ZFYVE9: variants seen among roughly 807,000 people sequenced by gnomAD.
The protein encoded by ZFYVE9 is zinc finger FYVE domain-containing protein 9.
Under a neutral mutation model 126.7 loss-of-function variants are expected in ZFYVE9, and 43 were observed. The observed-to-expected ratio is 0.34, with a 90% CI of 0.27 to 0.44. The LOEUF is 0.44. Ranked by LOEUF, ZFYVE9 falls within the 20% of genes least tolerant of loss-of-function variation. The pLI, the probability that ZFYVE9 is intolerant of heterozygous loss-of-function variation, is 1.00. For missense variants in ZFYVE9, 1,476 were observed against 1,697.0 expected (o/e 0.87, Z 2.29); for synonymous variants, 521 against 597.4 (o/e 0.87, Z 1.87).
intron 13 of ZFYVE9, among the ~76,000 whole-genome samples, chr1:52,324,947 C>T (rs1646276630): frequency 6.6e-6 from 1 of 151,990 alleles, no homozygotes; most frequent in South Asian, 2.1e-4. Context: ...CCAGCCTTGG[C>T]AACATAGTAA....
intron 14 of ZFYVE9, 101 bp from the exon 15 acceptor site, chr1:52,334,587 T>TGATGATG (rs2147871730): frequency 1.6e-6 from 2 of 1,234,714 alleles, no homozygotes; most frequent in East Asian, 4.8e-5. Flanking sequence ...ATTTTCTGTG[T>TGATGATG]GATGATGGTC....
At chr1:52,274,202 C>A (rs1352436583) in intron 7 of ZFYVE9, among the ~76,000 whole-genome samples, 1 of 152,078 alleles carries the variant, frequency 6.6e-6, no homozygotes, top group African/African-American at 2.4e-5. Flanking sequence ...AGCTTTAATG[C>A]AGGTTTTAAG....
At chr1:52,188,093 C>A (rs1644781157) in intron 1 of ZFYVE9, among the ~76,000 whole-genome samples, 1 of 152,142 alleles carries the variant, frequency 6.6e-6, no homozygotes, top group African/African-American at 2.4e-5. Flanking sequence ...CTATCAATGG[C>A]ATATTGGATA....
intron 1 of ZFYVE9, among the ~76,000 whole-genome samples, chr1:52,212,946 CCT>C (rs1261351516): frequency 6.6e-6 from 1 of 152,106 alleles, no homozygotes; most frequent in Non-Finnish European, 1.5e-5. Flanking sequence ...TCTTTGTTTT[CCT>C]CTCATGTATC....
At chr1:52,298,661 G>T (rs552175115) in intron 12 of ZFYVE9, among the ~76,000 whole-genome samples, 23 of 149,962 alleles carry the variant, frequency 1.5e-4, no homozygotes, top group East Asian at 3.9e-4. Context: ...TAAGGTTTTG[G>T]TTTTTTTTTC....
intron 13 of ZFYVE9, among the ~76,000 whole-genome samples, chr1:52,314,999 C>T (rs1280349936): frequency 6.6e-6 from 1 of 151,948 alleles, no homozygotes; most frequent in Non-Finnish European, 1.5e-5. Context: ...AGACCTGTTC[C>T]ACAAGAAATG....
chr1:52,144,092 C>T (rs777517), intron 1 of ZFYVE9, among the ~76,000 whole-genome samples: 2,039 of 152,114 alleles, frequency 0.013, 41 homozygotes, highest in African/African-American at 0.046. Context: ...CTCTCCGAGG[C>T]GGGTGGATCA....
Position 52,149,215 on chromosome 1 carries a change from C to CT in ZFYVE9, c.-143+6815dup, listed in dbSNP as rs539542937. ...GTAGAATGAAGGTCTAAAACTTGCA[C>CT]TTTGTTTACTCAAACAATGGTTCCC... On this transcript the variant is annotated intron_variant, in intron 1 of 18. Transcript: ENST00000287727. Among the ~76,000 whole-genome samples the CT allele has an allele frequency of 1.4e-4, 21 of 151,850 alleles. 1 individual carries two copies. In the South Asian group the frequency reaches 4.4e-3, roughly 32 times the overall value.
chr1:52,295,666 G>A (rs948549091), intron 11 of ZFYVE9, among the ~76,000 whole-genome samples: 1 of 151,978 alleles, frequency 6.6e-6, no homozygotes, highest in Admixed American at 6.6e-5. Context: ...CCTGGCTATT[G>A]TGTGTCATTT....
At chr1:52,308,015 G>A (rs555732836) in intron 13 of ZFYVE9, among the ~76,000 whole-genome samples, 107 of 152,264 alleles carry the variant, frequency 7.0e-4, no homozygotes, top group African/African-American at 2.3e-3. Context: ...GCCTCCCAAA[G>A]TGCTGGGATT....
At chr1:52,260,969 G>T (rs574393296) in intron 4 of ZFYVE9, among the ~76,000 whole-genome samples, 1 of 152,148 alleles carries the variant, frequency 6.6e-6, no homozygotes, top group African/African-American at 2.4e-5. Flanking sequence ...TTAGTTATTT[G>T]GTGGGTCCAT....
intron 10 of ZFYVE9, among the ~76,000 whole-genome samples, chr1:52,292,403 G>A (rs568398876): frequency 6.6e-6 from 1 of 150,648 alleles, no homozygotes; most frequent in African/African-American, 2.4e-5. Flanking sequence ...TTATGTTCAT[G>A]AGTTGACTTT....
intron 13 of ZFYVE9, among the ~76,000 whole-genome samples, chr1:52,320,281 G>A (rs1428344012): frequency 6.6e-6 from 1 of 152,024 alleles, no homozygotes; most frequent in Non-Finnish European, 1.5e-5. Flanking sequence ...TGTTGGCCAG[G>A]CTGGTCTCGA....
chr1:52,306,450 C>A (rs1255508271), intron 13 of ZFYVE9, among the ~76,000 whole-genome samples: 5 of 152,360 alleles, frequency 3.3e-5, no homozygotes, highest in Admixed American at 3.3e-4. Flanking sequence ...TCTATTACGT[C>A]ACTCATAAAG....
chr1:52,293,565 A>G lies in ZFYVE9; in HGVS notation c.3138A>G (p.Leu1046=). 6 of 1,614,102 alleles carry G rather than the reference A, an allele frequency of 3.7e-6. No homozygotes were observed. Among genetic ancestry groups the G allele is most frequent in the Non-Finnish European group, 5.1e-6 (6 of 1,180,014 alleles). Residue 1046 remains leucine, a synonymous_variant, in exon 11 of 19, where the codon CTA becomes CTG. Coordinates refer to ENST00000287727, the MANE Select transcript of ZFYVE9 (RefSeq NM_004799.4). ...CTACCTACCAGTCACTGCAAGACCT[A>G]GTACTCCCAACCCCACCTTACTTGT... The part of the protein sequence containing the change: ...VTSTYQSLQD[L]VLPTPPYLFG...
chr1:52,255,949 TTTTCTTTTCTTTTCTTTTC>T lies in ZFYVE9; in HGVS notation c.2179-7816_2179-7798del, dbSNP rs1186093779. On this transcript the variant is annotated intron_variant, in intron 4 of 18. Coordinates refer to ENST00000287727, the MANE Select transcript of ZFYVE9 (RefSeq NM_004799.4). The stretch of plus-strand genomic sequence containing the variant: ...TTTTCTTTTCTTTTCTTTTCTTTTC[TTTTCTTTTCTTTTCTTTTC>T]TTTCTTTCTTTCTTTCCTTCCTTCC... 1.1e-3 allele frequency among the ~76,000 whole-genome samples: 134 copies of T among 118,280 alleles called. 1 individual carries two copies. The highest frequency in any genetic ancestry group is 4.6e-3 in the African/African-American group (105 of 22,726). The allele number at this position is 118,280 out of a possible 152,430, so 77.6% of individuals were successfully genotyped here.
intron 4 of ZFYVE9, among the ~76,000 whole-genome samples, chr1:52,243,675 T>A (rs1431951574): frequency 4.6e-5 from 7 of 151,926 alleles, no homozygotes; most frequent in Non-Finnish European, 8.8e-5. Context: ...TTGTCCCAGC[T>A]ACTCCATAGG....
At chr1:52,191,071 T>A (rs1644812512) in intron 1 of ZFYVE9, among the ~76,000 whole-genome samples, 1 of 151,950 alleles carries the variant, frequency 6.6e-6, no homozygotes, top group African/African-American at 2.4e-5. Context: ...CTCCAGTGGG[T>A]GGGACTATAA....
chr1:52,164,650 GTCCA>G (rs199776740), intron 1 of ZFYVE9, among the ~76,000 whole-genome samples: 3 of 151,856 alleles, frequency 2.0e-5, no homozygotes, highest in Admixed American at 6.6e-5. Context: ...CCGTCCATCC[GTCCA>G]TCCATCCATC....
Sources: gnomAD v4.1 joint callset for allele counts (sites outside exome capture counted in the v4.1 genomes callset) on GRCh38, gnomAD v4.1.1 for gene constraint, MANE v1.5 for transcripts, NCBI Gene and HGNC (gene_info 2026-07-23, HGNC 2026-07-21) for gene names.